COMMD1: variants seen among roughly 807,000 people sequenced by gnomAD.
COMMD1 encodes the protein COMM domain-containing protein 1.
In COMMD1, 10 loss-of-function variants were observed where a neutral mutation model predicts 17.2. That is an observed-to-expected ratio of 0.58 (90% confidence interval 0.36 to 0.99). The LOEUF is 0.99. Among genes scored for constraint, COMMD1 ranks in the 50% least tolerant of loss-of-function variants. The probability of loss-of-function intolerance (pLI) is 0.01; values close to 1 mark genes in which losing one functional copy is unlikely to be tolerated. For missense variants in COMMD1, 270 were observed against 231.8 expected (o/e 1.17, Z -1.07); for synonymous variants, 97 against 91.6 (o/e 1.06, Z -0.34).
At chr2:62,066,245 C>T (rs1671036156) in intron 2 of COMMD1, among the ~76,000 whole-genome samples, 1 of 151,664 alleles carries the variant, frequency 6.6e-6, no homozygotes. Flanking sequence ...TTTTTTTCCC[C>T]CACTACTGTG....
chr2:61,923,885 T>G (rs1249204058), intron 1 of COMMD1, among the ~76,000 whole-genome samples: 1 of 152,168 alleles, frequency 6.6e-6, no homozygotes, highest in Admixed American at 6.6e-5. Flanking sequence ...GAAGCCATCC[T>G]CCCACCTCAG....
chr2:62,000,882 G>T lies in COMMD1; in HGVS notation c.362G>T (p.Gly121Val), dbSNP rs375574821. ...AGCCGCTGGAATAGCGGGCTTCGGG[G>T]CCTGAGCTGGAGAGTTGATGGCAAG... ...NQSRWNSGLRGLSWRVDGKSQ... is the reference protein window; with the variant it reads ...NQSRWNSGLRVLSWRVDGKSQ... The change falls in exon 2 of 3, where the codon GGC becomes GTC. Residue 121 changes from glycine (G) to valine (V), a missense_variant. Coordinates refer to ENST00000311832, the MANE Select transcript of COMMD1 (RefSeq NM_152516.4). 2 of 1,614,046 alleles carry T rather than the reference G, an allele frequency of 1.2e-6. No homozygotes were observed. The highest frequency in any genetic ancestry group is 1.7e-6 in the Non-Finnish European group (2 of 1,180,040).
At chr2:61,944,581 C>T (rs1167854688) in intron 1 of COMMD1, among the ~76,000 whole-genome samples, 2 of 152,198 alleles carry the variant, frequency 1.3e-5, no homozygotes, top group African/African-American at 2.4e-5. Flanking sequence ...TGTCCTCAGC[C>T]ACTCTTAACT....
chr2:61,998,246 CTTTTTTTT>C (rs71410912), intron 1 of COMMD1, among the ~76,000 whole-genome samples: 4 of 126,484 alleles, frequency 3.2e-5, no homozygotes, highest in African/African-American at 1.2e-4. Context: ...GTTGTGCTTT[CTTTTTTTT>C]TTTTTTTTTT....
chr2:62,098,846 G>A (rs920880620), intron 2 of COMMD1, among the ~76,000 whole-genome samples: 2 of 152,070 alleles, frequency 1.3e-5, no homozygotes, highest in Admixed American at 6.5e-5. Flanking sequence ...TTTGTTCTGG[G>A]GACCAGTAAC....
chr2:61,904,056 G>A (rs544284620), upstream of COMMD1, among the ~76,000 whole-genome samples: 2 of 152,122 alleles, frequency 1.3e-5, no homozygotes, highest in South Asian at 2.1e-4. Context: ...TCACCCAGGC[G>A]ACAGAGTGCA....
At chr2:62,091,820 T>C (rs1014286428) in intron 2 of COMMD1, among the ~76,000 whole-genome samples, 3 of 152,206 alleles carry the variant, frequency 2.0e-5, no homozygotes, top group African/African-American at 2.4e-5. Context: ...CCCCAATATC[T>C]ATTGTTATGC....
rs189336138 is a variant in COMMD1 at position 62,113,018 on chromosome 2, T to A, written c.463-22813T>A. On this transcript the variant is annotated intron_variant, in intron 2 of 2. Transcript: ENST00000311832. ...TCATGAGTGATGCGGTGGAGTGAACTGAGAAGAGATTTTTCTCCTTGAATT... is the reference window on the plus strand; with the variant it reads ...TCATGAGTGATGCGGTGGAGTGAACAGAGAAGAGATTTTTCTCCTTGAATT... Among the ~76,000 whole-genome samples the A allele has an allele frequency of 4.6e-3, 706 of 152,276 alleles. 2 individuals are homozygous for A. Among genetic ancestry groups the A allele is most frequent in the African/African-American group, 0.016 (659 of 41,554 alleles).
chr2:62,092,238 A>C (rs986718305), intron 2 of COMMD1, among the ~76,000 whole-genome samples: 32 of 152,334 alleles, frequency 2.1e-4, no homozygotes, highest in African/African-American at 7.5e-4. Context: ...ATCGATCCCA[A>C]ACAGCTTCTT....
At chr2:62,121,738 CAAAA>C (rs549415329) in intron 2 of COMMD1, among the ~76,000 whole-genome samples, 1 of 80,042 alleles carries the variant, frequency 1.2e-5, no homozygotes, top group African/African-American at 3.6e-5. Flanking sequence ...GACTCCGTCT[CAAAA>C]AAAAAAAAAA....
intron 1 of COMMD1, among the ~76,000 whole-genome samples, chr2:61,937,999 A>G (rs1330940110): frequency 6.6e-6 from 1 of 152,090 alleles, no homozygotes; most frequent in African/African-American, 2.4e-5. Flanking sequence ...ATGCCTGTAT[A>G]GTCTTAGTAG....
intron 2 of COMMD1, among the ~76,000 whole-genome samples, chr2:62,099,241 A>T (rs1393103216): frequency 2.0e-5 from 3 of 151,994 alleles, no homozygotes; most frequent in African/African-American, 2.4e-5. Flanking sequence ...CAGTTTCAAA[A>T]TTTTTTTTAA....
chr2:61,983,184 A>C (rs1190592253), intron 1 of COMMD1, among the ~76,000 whole-genome samples: 3 of 149,142 alleles, frequency 2.0e-5, no homozygotes, highest in Non-Finnish European at 3.0e-5. Context: ...ACTTTTTATC[A>C]TGGCATTTTT....
At chr2:62,100,376 A>G (rs1396349424) in intron 2 of COMMD1, 3 of 152,202 alleles carry the variant, frequency 2.0e-5, no homozygotes, top group African/African-American at 7.2e-5. Context: ...TCTGAGCCAA[A>G]TATGAGTGAC....
At chr2:61,923,952 T>A (rs1223269609) in intron 1 of COMMD1, among the ~76,000 whole-genome samples, 3 of 152,132 alleles carry the variant, frequency 2.0e-5, no homozygotes, top group Non-Finnish European at 2.9e-5. Flanking sequence ...AATTTTTGTA[T>A]TTTTTGTAGA....
chr2:61,888,602 T>C (rs1182996091), upstream of COMMD1: 3 of 1,398,154 alleles, frequency 2.1e-6, no homozygotes, highest in East Asian at 7.5e-5. Context: ...CTCACTGCCT[T>C]CACGAACCTT....
chr2:62,098,275 C>T (rs1433780454), intron 2 of COMMD1, among the ~76,000 whole-genome samples: 1 of 151,550 alleles, frequency 6.6e-6, no homozygotes, highest in African/African-American at 2.4e-5. Flanking sequence ...TCTCCTGCCT[C>T]AGCCTCCCGA....
intron 1 of COMMD1, among the ~76,000 whole-genome samples, chr2:61,918,816 AATC>A (rs1670111990): frequency 6.6e-6 from 1 of 152,118 alleles, no homozygotes; most frequent in Admixed American, 6.6e-5. Context: ...TATGAAAAAA[AATC>A]ATGATTTTTT....
chr2:62,113,550 AT>A lies in COMMD1; in HGVS notation c.463-22276del, dbSNP rs765899144. ...AGGCACCCACCACCACACCCAGCTA[AT>A]TTTTGTATTTTTAGTAGAGACGGGG... On this transcript the variant is annotated intron_variant, in intron 2 of 2. Coordinates refer to ENST00000311832, the MANE Select transcript of COMMD1 (RefSeq NM_152516.4). Among the ~76,000 whole-genome samples, 5 of 151,912 alleles carry A rather than the reference AT, an allele frequency of 3.3e-5. No individual in the cohort carries two copies. The East Asian group carries it at 9.7e-4, about 29-fold the overall frequency.
Sources: allele counts gnomAD v4.1 joint callset (sites outside exome capture counted in the v4.1 genomes callset), GRCh38; gene constraint gnomAD v4.1.1; transcripts MANE v1.5; gene names NCBI Gene and HGNC (gene_info 2026-07-23, HGNC 2026-07-21).